Variants in ZNF813 observed in about 807,000 individuals in gnomAD.
The protein encoded by ZNF813 is zinc finger protein 813.
In ZNF813, 3 loss-of-function variants were observed where a neutral mutation model predicts 7.2. That is an observed-to-expected ratio of 0.42 (90% CI 0.19 to 1.08). The LOEUF is 1.08. Ranked by LOEUF, ZNF813 falls within the 50% of genes least tolerant of loss-of-function variation. ZNF813 has a pLI of 0.30. For missense variants in ZNF813, 714 were observed against 753.3 expected (o/e 0.95, Z 0.61); for synonymous variants, 227 against 256.3 (o/e 0.89, Z 1.09).
At chr19:53,480,055 G>C in intron 1 of ZNF813, 1 of 762,952 alleles carries the variant, frequency 1.3e-6, no homozygotes, top group Non-Finnish European at 2.4e-6. Flanking sequence ...CACAAAGGAT[G>C]CTGGACCAGA....
chr19:53,489,262 C>T (rs1248923326), intron 3 of ZNF813, among the ~76,000 whole-genome samples: 1 of 152,124 alleles, frequency 6.6e-6, no homozygotes, highest in Non-Finnish European at 1.5e-5. Context: ...CTGCCTTGGC[C>T]TCCCAAAGTG....
Position 53,492,451 on chromosome 19 carries a change from A to T in ZNF813, c.*365A>T. On this transcript the variant is annotated 3_prime_UTR_variant, in exon 4 of 4. Transcript: ENST00000396403. ...ACATAAAATAAATCATACTGCAGAG[A>T]AACCATAAAATTGTAAGAGTTCGTG... 2.4e-6 allele frequency: 1 copy of T among 421,404 alleles called. No individual in the cohort carries two copies. Among genetic ancestry groups the T allele is most frequent in the Non-Finnish European group, 4.6e-6 (1 of 217,300 alleles). 26.1% of individuals were successfully genotyped at this position (421,404 alleles called of 1,614,324 possible).
intron 1 of ZNF813, among the ~76,000 whole-genome samples, chr19:53,471,110 T>G (rs887166319): frequency 6.6e-6 from 1 of 152,224 alleles, no homozygotes; most frequent in African/African-American, 2.4e-5. Flanking sequence ...TCTATATCTC[T>G]TTTGTTTTTT....
intron 3 of ZNF813, chr19:53,488,414 C>CTTT: frequency 4.1e-5 from 10 of 243,118 alleles, no homozygotes; most frequent in East Asian, 1.4e-4. Context: ...CCTTTTTTTT[C>CTTT]TTTTTTTTTT....
In ZNF813 at chr19:53,493,647, G is replaced by C. The variant is rs1032161279; in HGVS notation, c.*1561G>C. 6.6e-6 allele frequency: 1 copy of C among 152,214 alleles called. No homozygotes were observed. Among genetic ancestry groups the C allele is most frequent in the Admixed American group, 6.5e-5 (1 of 15,276 alleles). 9.4% of individuals were successfully genotyped at this position (152,214 alleles called of 1,614,324 possible). On this transcript the variant is annotated 3_prime_UTR_variant, in exon 4 of 4. Transcript: ENST00000396403. ...TAATTTTTGGTGCTGATATTGTACT[G>C]TGCAGATACACTGAATCTGTTTATT... is the stretch of plus-strand genomic sequence containing the variant.
At chr19:53,484,559 A>T (rs2147160203) in intron 2 of ZNF813, among the ~76,000 whole-genome samples, 1 of 152,310 alleles carries the variant, frequency 6.6e-6, no homozygotes, top group Non-Finnish European at 1.5e-5. Context: ...TTATTAAATT[A>T]TGATAATATT....
At chr19:53,479,275 A>G (rs62115422) in intron 1 of ZNF813, 93,798 of 1,421,610 alleles carry the variant, frequency 0.066, 3,516 homozygotes, top group East Asian at 0.13. Flanking sequence ...TTTAATACAT[A>G]ATCATGGAGA....
intron 3 of ZNF813, among the ~76,000 whole-genome samples, chr19:53,487,345 C>T (rs66611162): frequency 0.1 from 15,434 of 152,060 alleles, 891 homozygotes; most frequent in Middle Eastern, 0.19. Flanking sequence ...TTCTCATTTA[C>T]TACTTTTTGT....
intron 1 of ZNF813, among the ~76,000 whole-genome samples, chr19:53,480,727 G>A (rs751189014): frequency 7.2e-5 from 11 of 152,124 alleles, no homozygotes; most frequent in Non-Finnish European, 1.0e-4. Context: ...GTCATCTGTG[G>A]ACATCTTGAG....
chr19:53,479,652 A>G, intron 1 of ZNF813: 3 of 1,223,798 alleles, frequency 2.5e-6, no homozygotes, highest in South Asian at 2.4e-5. Flanking sequence ...TAAAAGATGA[A>G]GAAGATGGAA....
intron 2 of ZNF813, among the ~76,000 whole-genome samples, 159 bp downstream of exon 2, chr19:53,483,996 C>T (rs1203389532): frequency 2.6e-5 from 4 of 152,012 alleles, no homozygotes; most frequent in Non-Finnish European, 5.9e-5. Context: ...ACTTAGATTC[C>T]ATCTCTTGTG....
intron 2 of ZNF813, among the ~76,000 whole-genome samples, chr19:53,485,237 G>A (rs1330460426): frequency 3.3e-5 from 5 of 152,124 alleles, no homozygotes; most frequent in African/African-American, 1.2e-4. Flanking sequence ...CTCTAGGATG[G>A]GGCATTTCCT....
intron 1 of ZNF813, among the ~76,000 whole-genome samples, chr19:53,473,735 A>T (rs781746448): frequency 1.3e-5 from 2 of 152,154 alleles, no homozygotes; most frequent in Non-Finnish European, 2.9e-5. Context: ...TTGCATGGCT[A>T]TTATTAAAGC....
At chr19:53,486,922 C>T (rs1227562875) in intron 3 of ZNF813, among the ~76,000 whole-genome samples, 164 bp downstream of exon 3, 2 of 151,898 alleles carry the variant, frequency 1.3e-5, no homozygotes, top group African/African-American at 2.4e-5. Context: ...GATTGTCCCA[C>T]CTCAGCCTCC....
chr19:53,492,105 C>A lies in ZNF813; in HGVS notation c.*19C>A. ...TAATTGAAAAGCAAAGCTTGCACAT[C>A]ATCATACAATTCATACTGGAAAGAA... On this transcript the variant is annotated 3_prime_UTR_variant, in exon 4 of 4. Coordinates refer to ENST00000396403, the MANE Select transcript of ZNF813 (RefSeq NM_001004301.4). 1.2e-6 allele frequency: 2 copies of A among 1,600,286 alleles called. No homozygotes were observed. The highest frequency in any genetic ancestry group is 1.7e-6 in the Non-Finnish European group (2 of 1,173,050).
chr19:53,479,600 A>C, intron 1 of ZNF813: 1 of 1,217,484 alleles, frequency 8.2e-7, no homozygotes, highest in Non-Finnish European at 1.2e-6. Flanking sequence ...AAAGCTGCTG[A>C]TGAGAGTGAG....
chr19:53,492,282 G>A lies in ZNF813; in HGVS notation c.*196G>A, dbSNP rs930378456. 3.5e-6 allele frequency: 3 copies of A among 852,388 alleles called. No individual in the cohort carries two copies. The highest frequency in any genetic ancestry group is 3.7e-6 in the Non-Finnish European group (2 of 540,216). 52.8% of individuals were successfully genotyped at this position (852,388 alleles called of 1,614,324 possible). Reference sequence around the variant, plus strand: ...ACGTCATCATAGACTTCATAGTGGAGAGAAACCTTAGAAATGTGAAGCATG... The same window carrying A: ...ACGTCATCATAGACTTCATAGTGGAAAGAAACCTTAGAAATGTGAAGCATG... On this transcript the variant is annotated 3_prime_UTR_variant, in exon 4 of 4. Coordinates refer to ENST00000396403, the MANE Select transcript of ZNF813 (RefSeq NM_001004301.4).
intron 3 of ZNF813, among the ~76,000 whole-genome samples, chr19:53,486,994 T>A (rs146379945): frequency 0.43 from 64,231 of 149,364 alleles, 14,482 homozygotes; most frequent in Admixed American, 0.51. Flanking sequence ...TTTTTTTTTT[T>A]TTTTTTTTTT....
In ZNF813 at chr19:53,491,933, A is replaced by T. The variant is rs376301713; in HGVS notation, c.1701A>T (p.Ala567=). The T allele has an allele frequency of 1.9e-6, 3 of 1,611,064 alleles. No individual in the cohort carries two copies. In the African/African-American group the frequency reaches 4.0e-5, roughly 22 times the overall value. ...GKVFNQKAHL[A]RHHRLHTGEK... ...TTTTTAATCAAAAAGCACACCTTGC[A>T]CGTCACCATAGACTTCATACTGGAG... The change falls in exon 4 of 4, where the codon GCA becomes GCT. Residue 567 remains alanine (A), a synonymous_variant. Transcript: ENST00000396403.
Sources: allele counts gnomAD v4.1 joint callset (sites outside exome capture counted in the v4.1 genomes callset), GRCh38; gene constraint gnomAD v4.1.1; transcripts MANE v1.5; gene names NCBI Gene and HGNC (gene_info 2026-07-23, HGNC 2026-07-21).